Variants in ENTREP1 observed in about 807,000 individuals in gnomAD.
The protein encoded by ENTREP1 is endosomal transmembrane epsin interactor 1.
the ENTREP1 span, chr9:69,325,757 C>T: frequency 4.9e-6 from 6 of 1,221,898 alleles, no homozygotes; most frequent in South Asian, 2.5e-4. Flanking sequence ...TTCGCCCGGT[C>T]ATCCCGGTGA....
At chr9:69,390,323 C>A in the ENTREP1 span, among the ~76,000 whole-genome samples, 2 of 152,116 alleles carry the variant, frequency 1.3e-5, no homozygotes, top group Non-Finnish European at 2.9e-5. Flanking sequence ...TGTTAGGTAA[C>A]AATAAAGCCC....
the ENTREP1 span, among the ~76,000 whole-genome samples, chr9:69,360,410 T>C: frequency 6.6e-6 from 1 of 152,224 alleles, no homozygotes; most frequent in Admixed American, 6.5e-5. Context: ...AGTTATATCA[T>C]GATTTTGGTC....
the ENTREP1 span, chr9:69,382,483 A>C: frequency 6.6e-6 from 1 of 152,228 alleles, no homozygotes; most frequent in Non-Finnish European, 1.5e-5. Context: ...CACTTCAGGC[A>C]TTAGCTCATC....
the ENTREP1 span, chr9:69,384,077 G>A: frequency 1.4e-6 from 2 of 1,393,000 alleles, no homozygotes; most frequent in Non-Finnish European, 2.0e-6. Context: ...GATAAAATAG[G>A]CTGGGCAAGG....
At chr9:69,389,142 T>C in the ENTREP1 span, among the ~76,000 whole-genome samples, 1 of 152,168 alleles carries the variant, frequency 6.6e-6, no homozygotes, top group Non-Finnish European at 1.5e-5. Context: ...CCACCTCTTT[T>C]AAGAGCCATT....
the ENTREP1 span, chr9:69,383,448 A>T: frequency 1.4e-6 from 2 of 1,473,656 alleles, no homozygotes; most frequent in South Asian, 2.8e-5. Flanking sequence ...TGCTTAAGGA[A>T]CTCTGGCCAC....
chr9:69,387,896 TCCA>T, the ENTREP1 span: 5 of 1,406,814 alleles, frequency 3.6e-6, no homozygotes, highest in Non-Finnish European at 4.7e-6. Flanking sequence ...GATTCTCCTC[TCCA>T]CCATCTGGCT....
chr9:69,354,407 A>G, the ENTREP1 span, among the ~76,000 whole-genome samples: 2 of 151,734 alleles, frequency 1.3e-5, no homozygotes, highest in Non-Finnish European at 2.9e-5. Context: ...ACAGGTGCCC[A>G]CCACCAGGCC....
the ENTREP1 span, chr9:69,382,870 C>A: frequency 7.6e-6 from 2 of 261,484 alleles, no homozygotes; most frequent in Non-Finnish European, 1.2e-5. Context: ...AACTTTTGTT[C>A]TCTTTTTTTT....
chr9:69,365,305 C>T, the ENTREP1 span, among the ~76,000 whole-genome samples: 123,659 of 152,112 alleles, frequency 0.81, 50,340 homozygotes, highest in South Asian at 0.88. Flanking sequence ...GTATAGATTA[C>T]TTTGTCTATT....
chr9:69,391,860 T>C, the ENTREP1 span: 1 of 1,487,304 alleles, frequency 6.7e-7, no homozygotes, highest in Non-Finnish European at 9.2e-7. Flanking sequence ...TCTCTGCCAT[T>C]TCTTGGCTGG....
At chr9:69,377,253 C>A in the ENTREP1 span, 1 of 722,990 alleles carries the variant, frequency 1.4e-6, no homozygotes, top group South Asian at 1.6e-5. Flanking sequence ...TTACATGCAT[C>A]CTCTCCTGAG....
the ENTREP1 span, chr9:69,371,374 C>A: frequency 1.2e-6 from 1 of 814,630 alleles, no homozygotes; most frequent in Non-Finnish European, 2.2e-6. Flanking sequence ...ATTGAAAACA[C>A]GGTTCTGATC....
the ENTREP1 span, among the ~76,000 whole-genome samples, chr9:69,384,918 T>G: frequency 2.0e-5 from 3 of 152,120 alleles, no homozygotes; most frequent in Non-Finnish European, 4.4e-5. Context: ...TTTTTTAACT[T>G]TATTTTTATT....
the ENTREP1 span, chr9:69,384,170 C>A: frequency 3.5e-6 from 2 of 579,250 alleles, no homozygotes; most frequent in East Asian, 2.9e-5. Context: ...CCAGCCTGGA[C>A]AACATGGAGA....
chr9:69,327,346 A>G, the ENTREP1 span, among the ~76,000 whole-genome samples: 1 of 152,146 alleles, frequency 6.6e-6, no homozygotes, highest in Non-Finnish European at 1.5e-5. Flanking sequence ...TATGCCACCT[A>G]TTCTGTTTGT....
chr9:69,359,908 T>C, the ENTREP1 span, among the ~76,000 whole-genome samples: 2 of 152,062 alleles, frequency 1.3e-5, no homozygotes, highest in South Asian at 2.1e-4. Context: ...GAGAGATGTA[T>C]TGAACGCATT....
chr9:69,365,415 G>A, the ENTREP1 span, among the ~76,000 whole-genome samples: 2 of 152,126 alleles, frequency 1.3e-5, no homozygotes, highest in East Asian at 1.9e-4. Context: ...TGGGTTAAAC[G>A]TGCAATTTTG....
chr9:69,353,767 C>G, the ENTREP1 span, among the ~76,000 whole-genome samples: 1 of 152,190 alleles, frequency 6.6e-6, no homozygotes, highest in Non-Finnish European at 1.5e-5. Context: ...ATTAGTCTGT[C>G]TCTTTAGTCT....
Sources: gnomAD v4.1 joint callset for allele counts (sites outside exome capture counted in the v4.1 genomes callset) on GRCh38, gnomAD v4.1.1 for gene constraint, MANE v1.5 for transcripts, NCBI Gene and HGNC (gene_info 2026-07-23, HGNC 2026-07-21) for gene names.